Variants in GFRA2 observed in about 807,000 individuals in gnomAD.
GFRA2 encodes the protein GDNF family receptor alpha-2.
In GFRA2, 17 loss-of-function variants were observed where a neutral mutation model predicts 48.3. The ratio of observed to expected loss-of-function variants is 0.35; its 90% CI spans 0.24 to 0.53. The LOEUF (loss-of-function observed/expected upper bound fraction) is 0.53, where lower values mean the gene tolerates loss of function less well. Ranked by LOEUF, GFRA2 falls within the 20% of genes least tolerant of loss-of-function variation. The pLI, the probability that GFRA2 is intolerant of heterozygous loss-of-function variation, is 0.93. For missense variants in GFRA2, 660 were observed against 637.3 expected (o/e 1.04, Z -0.38); for synonymous variants, 305 against 257.2 (o/e 1.19, Z -1.78).
At chr8:21,793,239 C>T (rs1018482953), upstream of GFRA2, among the ~76,000 whole-genome samples, 2 of 152,064 alleles carry the variant, frequency 1.3e-5, no homozygotes, top group African/African-American at 4.8e-5. Flanking sequence ...TTTGAGCAGG[C>T]AACTGACATG....
chr8:21,702,406 C>A (rs1254996900), intron 7 of GFRA2, among the ~76,000 whole-genome samples: 1 of 152,178 alleles, frequency 6.6e-6, no homozygotes, highest in South Asian at 2.1e-4. Flanking sequence ...GAAACCCCGC[C>A]AGGCTGAGTC....
intron 2 of GFRA2, among the ~76,000 whole-genome samples, chr8:21,776,852 A>T (rs1463010040): frequency 6.6e-6 from 1 of 152,030 alleles, no homozygotes; most frequent in Non-Finnish European, 1.5e-5. Flanking sequence ...GATGATCTCA[A>T]TGTCCTCCAC....
At chr8:21,709,336 T>C (rs1219503830) in intron 4 of GFRA2, among the ~76,000 whole-genome samples, 1 of 152,262 alleles carries the variant, frequency 6.6e-6, no homozygotes, top group Admixed American at 6.5e-5. Context: ...AACTGAAAGA[T>C]TCATTGCATG....
intron 3 of GFRA2, among the ~76,000 whole-genome samples, chr8:21,758,052 G>A (rs959732111): frequency 1.3e-5 from 2 of 152,170 alleles, no homozygotes; most frequent in African/African-American, 4.8e-5. Flanking sequence ...GACCTCTGGT[G>A]CATTTGTGAC....
At chr8:21,753,459 T>C (rs938736286) in intron 3 of GFRA2, among the ~76,000 whole-genome samples, 1 of 152,050 alleles carries the variant, frequency 6.6e-6, no homozygotes, top group Non-Finnish European at 1.5e-5. Flanking sequence ...AATATAAAAA[T>C]TAGCTGGGCG....
At chr8:21,788,090 C>T in intron 1 of GFRA2, 30 bp downstream of exon 1, 1 of 1,363,446 alleles carries the variant, frequency 7.3e-7, no homozygotes, top group Non-Finnish European at 1.0e-6. Context: ...TCTCGCCTCC[C>T]CCTCGAGCTC....
chr8:21,784,734 A>G (rs1585340701), intron 1 of GFRA2, among the ~76,000 whole-genome samples: 2 of 152,334 alleles, frequency 1.3e-5, no homozygotes, highest in Admixed American at 1.3e-4. Context: ...CCTCTGCCAC[A>G]GAACAGGAAG....
intron 3 of GFRA2, among the ~76,000 whole-genome samples, chr8:21,766,675 G>A (rs1421918871): frequency 2.4e-5 from 3 of 122,648 alleles, no homozygotes; most frequent in Non-Finnish European, 5.3e-5. Context: ...ATGAACAGGG[G>A]CCTGGGGGGT....
chr8:21,763,910 C>T (rs1280772100), intron 3 of GFRA2, among the ~76,000 whole-genome samples: 5 of 151,530 alleles, frequency 3.3e-5, no homozygotes, highest in Non-Finnish European at 7.4e-5. Flanking sequence ...CAGCCACCCC[C>T]ACTCCATGCT....
At chr8:21,713,648 C>T (rs1270330238) in intron 4 of GFRA2, among the ~76,000 whole-genome samples, 4 of 152,064 alleles carry the variant, frequency 2.6e-5, no homozygotes, top group African/African-American at 9.7e-5. Flanking sequence ...AAAGTGTGGT[C>T]CGCAGACCAA....
rs367823051 is a variant in GFRA2, at chr8:21,710,786, C to T, written c.795-4745G>A. ...TGAGCCCGGCAGACAGCAAAGCGTACGGCAAAGTGAAGAGAAGCAGCTAAG... is the reference window on the plus strand; with the variant it reads ...TGAGCCCGGCAGACAGCAAAGCGTATGGCAAAGTGAAGAGAAGCAGCTAAG... On this transcript the variant is annotated intron_variant, in intron 4 of 8. Transcript: ENST00000524240. 2.0e-4 allele frequency among the ~76,000 whole-genome samples: 30 copies of T among 152,346 alleles called. No homozygotes were observed. In the East Asian group the frequency reaches 4.8e-3, roughly 24 times the overall value.
At chr8:21,723,752 C>T (rs1803721282) in intron 4 of GFRA2, among the ~76,000 whole-genome samples, 1 of 152,198 alleles carries the variant, frequency 6.6e-6, no homozygotes, top group South Asian at 2.1e-4. Context: ...TCGTCCTCTT[C>T]TCAACAGGCT....
intron 2 of GFRA2, among the ~76,000 whole-genome samples, chr8:21,799,974 T>G (rs1192097053): frequency 1.3e-5 from 2 of 152,232 alleles, no homozygotes; most frequent in Non-Finnish European, 2.9e-5. Context: ...TCTGGCCCCC[T>G]GGTGTTCCCA....
At position 21,693,176 on chromosome 8, in the gene GFRA2, T is replaced by C. The variant is rs1036321370; in HGVS notation, c.*102A>G. ...GCGACAAGGTGGGAAAAACAATTTT[T>C]TTTTTGCAAGGTGTGTGTGTGTCTG... On this transcript the variant is annotated 3_prime_UTR_variant, in exon 9 of 9. Coordinates refer to ENST00000524240, the MANE Select transcript of GFRA2 (RefSeq NM_001495.5). The C allele has an allele frequency of 2.5e-6, 3 of 1,177,386 alleles. No individual in the cohort carries two copies. Among genetic ancestry groups the C allele is most frequent in the African/African-American group, 3.2e-5 (2 of 63,280 alleles). The allele number at this position is 1,177,386 out of a possible 1,614,324, so 72.9% of individuals were successfully genotyped here.
At chr8:21,725,769 G>C (rs1803837617) in intron 4 of GFRA2, among the ~76,000 whole-genome samples, 1 of 152,190 alleles carries the variant, frequency 6.6e-6, no homozygotes, top group Non-Finnish European at 1.5e-5. Context: ...CTTGAACCCA[G>C]GTCTCTCTGC....
rs182661508 is a variant in GFRA2, at chr8:21,706,151, A to C, written c.795-110T>G. 4.8e-4 allele frequency: 338 copies of C among 703,120 alleles called. 1 individual carries two copies. In the East Asian group the frequency reaches 6.0e-3, roughly 13 times the overall value. The allele number at this position is 703,120 out of a possible 1,614,324, so 43.6% of individuals were successfully genotyped here. A position where few individuals can be genotyped will look rare whatever the true frequency, so the allele number is the denominator to read the frequency against. On this transcript the variant is annotated intron_variant, in intron 4 of 8. Coordinates refer to ENST00000524240, the MANE Select transcript of GFRA2 (RefSeq NM_001495.5). ...CCTCCCTGCAGCTTCCCAGGGTGGAAGAAGCCAGGAAGAGGGAGGGGAGGA... is the reference window on the plus strand; with the variant it reads ...CCTCCCTGCAGCTTCCCAGGGTGGACGAAGCCAGGAAGAGGGAGGGGAGGA...
At chr8:21,760,362 G>A (rs942319008) in intron 3 of GFRA2, among the ~76,000 whole-genome samples, 1 of 152,186 alleles carries the variant, frequency 6.6e-6, no homozygotes, top group Non-Finnish European at 1.5e-5. Flanking sequence ...AGGCTGGGGT[G>A]GGGTGGTGAC....
intron 2 of GFRA2, chr8:21,797,607 C>T (rs35452299): frequency 0.37 from 55,665 of 151,838 alleles, 10,550 homozygotes; most frequent in South Asian, 0.42. Context: ...CCAAGGTCAA[C>T]GTAAAGCCTT....
intron 4 of GFRA2, among the ~76,000 whole-genome samples, chr8:21,737,663 C>T (rs906898330): frequency 6.6e-6 from 1 of 152,160 alleles, no homozygotes; most frequent in African/African-American, 2.4e-5. Flanking sequence ...CCTGCCTCCC[C>T]CTCCTGTCCT....
Sources: gnomAD v4.1 joint callset for allele counts (sites outside exome capture counted in the v4.1 genomes callset) on GRCh38, gnomAD v4.1.1 for gene constraint, MANE v1.5 for transcripts, NCBI Gene and HGNC (gene_info 2026-07-23, HGNC 2026-07-21) for gene names.